The following CSMD3 variants were observed in gnomAD, a reference collection of about 807,000 sequenced individuals.
The protein encoded by CSMD3 is CUB and sushi domain-containing protein 3.
In CSMD3, 177 loss-of-function variants were observed where a neutral mutation model predicts 435.2. That is an observed-to-expected ratio of 0.41 (90% CI 0.36 to 0.46). CSMD3 has a LOEUF of 0.46. Among genes scored for constraint, CSMD3 ranks in the 20% least tolerant of loss-of-function variants. The pLI is 0.34. For missense variants in CSMD3, 4,265 were observed against 4,504.6 expected (o/e 0.95, Z 1.52); for synonymous variants, 1,656 against 1,520.5 (o/e 1.09, Z -2.07).
intron 7 of CSMD3, among the ~76,000 whole-genome samples, chr8:112,959,608 G>A: frequency 6.6e-6 from 1 of 151,750 alleles, no homozygotes; most frequent in East Asian, 1.9e-4. Context: ...TGTTTGATAT[G>A]ATACCTGGAT....
At chr8:113,160,367 T>C (rs1228047812) in intron 4 of CSMD3, among the ~76,000 whole-genome samples, 1 of 151,964 alleles carries the variant, frequency 6.6e-6, no homozygotes, top group Non-Finnish European at 1.5e-5. Context: ...AGAGTGGAAA[T>C]GATGGTAATA....
At chr8:113,198,845 G>A (rs995359682) in intron 3 of CSMD3, among the ~76,000 whole-genome samples, 7 of 150,588 alleles carry the variant, frequency 4.6e-5, no homozygotes, top group Admixed American at 2.0e-4. Flanking sequence ...GAAAATGTGC[G>A]GGATTATCAA....
At chr8:112,579,259 C>A (rs1043795360) in intron 23 of CSMD3, among the ~76,000 whole-genome samples, 7 of 151,998 alleles carry the variant, frequency 4.6e-5, no homozygotes, top group Non-Finnish European at 8.8e-5. Flanking sequence ...GTAATGGGCA[C>A]AGACACAACC....
chr8:113,088,187 A>G (rs1041344778), intron 5 of CSMD3, among the ~76,000 whole-genome samples: 14 of 150,258 alleles, frequency 9.3e-5, no homozygotes, highest in East Asian at 2.0e-4. Flanking sequence ...TTAGAATGGC[A>G]ATCATTAAAA....
intron 1 of CSMD3, among the ~76,000 whole-genome samples, chr8:113,336,458 T>G: frequency 6.6e-6 from 1 of 152,168 alleles, no homozygotes; most frequent in East Asian, 1.9e-4. Flanking sequence ...CTTAGTTTGA[T>G]ATCTTGTTGG....
At chr8:113,346,187 T>G (rs1315753664) in intron 1 of CSMD3, among the ~76,000 whole-genome samples, 2 of 152,068 alleles carry the variant, frequency 1.3e-5, no homozygotes, top group African/African-American at 4.8e-5. Flanking sequence ...TTTCTTACTT[T>G]CCACTCTTAG....
At chr8:113,150,821 G>A (rs1019294713) in intron 4 of CSMD3, among the ~76,000 whole-genome samples, 2 of 151,924 alleles carry the variant, frequency 1.3e-5, no homozygotes, top group African/African-American at 4.8e-5. Flanking sequence ...AAGTAAAGAA[G>A]GGGAATAGTA....
intron 1 of CSMD3, among the ~76,000 whole-genome samples, chr8:113,325,124 G>C (rs2093975058): frequency 1.3e-5 from 2 of 152,352 alleles, no homozygotes; most frequent in South Asian, 2.1e-4. Flanking sequence ...CCTTGTGTCA[G>C]ATGAGACTTT....
At chr8:112,365,895 T>C (rs1336487605) in intron 38 of CSMD3, among the ~76,000 whole-genome samples, 4 of 152,146 alleles carry the variant, frequency 2.6e-5, no homozygotes, top group Non-Finnish European at 5.9e-5. Flanking sequence ...CCTAGACATC[T>C]CAACTGATTC....
chr8:112,908,280 A>T (rs1408562992), intron 10 of CSMD3, among the ~76,000 whole-genome samples: 1 of 151,442 alleles, frequency 6.6e-6, no homozygotes, highest in Non-Finnish European at 1.5e-5. Flanking sequence ...GTATACATAC[A>T]TGTCTTTAAA....
At chr8:112,959,109 G>A (rs2084137531) in intron 7 of CSMD3, among the ~76,000 whole-genome samples, 2 of 151,924 alleles carry the variant, frequency 1.3e-5, no homozygotes, top group Admixed American at 6.6e-5. Flanking sequence ...TCATTGCTAT[G>A]CATATATAGT....
intron 67 of CSMD3, among the ~76,000 whole-genome samples, 184 bp from the exon 68 acceptor site, chr8:112,234,661 T>A (rs962399658): frequency 1.3e-5 from 2 of 152,240 alleles, no homozygotes; most frequent in Non-Finnish European, 1.5e-5. Flanking sequence ...TACATTGATT[T>A]ATCTGTCTTC....
rs187115915 is a variant in CSMD3 at position 112,709,962 on chromosome 8, T to C, written c.1973-19912A>G. Among the ~76,000 whole-genome samples, 7 of 152,214 alleles carry C rather than the reference T, an allele frequency of 4.6e-5. No individual in the cohort carries two copies. In the East Asian group the frequency reaches 1.4e-3, roughly 29 times the overall value. On this transcript the variant is annotated intron_variant, in intron 13 of 70. Transcript: ENST00000297405. ...TTGCAAGTATATGTAATTTTTAAAA[T>C]GCTAAATAAGCCCTTTAATAGTCTC...
chr8:112,993,545 T>G (rs889226821), intron 6 of CSMD3, among the ~76,000 whole-genome samples: 1 of 151,870 alleles, frequency 6.6e-6, no homozygotes, highest in Non-Finnish European at 1.5e-5. Context: ...GCCTATTATG[T>G]GCTATGCACT....
intron 6 of CSMD3, among the ~76,000 whole-genome samples, chr8:113,016,213 T>G (rs2086451816): frequency 6.6e-6 from 1 of 151,842 alleles, no homozygotes; most frequent in Non-Finnish European, 1.5e-5. Context: ...AGAGTGAGAA[T>G]GTATTTTACG....
intron 3 of CSMD3, among the ~76,000 whole-genome samples, chr8:113,249,703 T>C (rs2093316489): frequency 6.6e-6 from 1 of 152,088 alleles, no homozygotes; most frequent in Admixed American, 6.6e-5. Flanking sequence ...GTGAATTCTC[T>C]GAGCTCCCAA....
rs547941991 is a variant in CSMD3, at chr8:112,272,275, T to C, written c.9509-6685A>G. 7.9e-5 allele frequency among the ~76,000 whole-genome samples: 12 copies of C among 152,326 alleles called. No homozygotes were observed. The East Asian group carries it at 1.5e-3, about 20-fold the overall frequency. On this transcript the variant is annotated intron_variant, in intron 59 of 70. Coordinates refer to ENST00000297405, the MANE Select transcript of CSMD3 (RefSeq NM_198123.2). ...TTTCTAAAAATTGATATCAGGATGTTGGTTTGGAAAGTTCAGCTACTTCAA... is the reference window on the plus strand; with the variant it reads ...TTTCTAAAAATTGATATCAGGATGTCGGTTTGGAAAGTTCAGCTACTTCAA...
intron 32 of CSMD3, among the ~76,000 whole-genome samples, chr8:112,438,598 A>G (rs2130475538): frequency 6.6e-6 from 1 of 152,340 alleles, no homozygotes; most frequent in Non-Finnish European, 1.5e-5. Flanking sequence ...ATAGTAAACC[A>G]AGAGAAAAAA....
intron 19 of CSMD3, among the ~76,000 whole-genome samples, chr8:112,645,993 C>T (rs2074969444): frequency 1.3e-5 from 2 of 152,108 alleles, no homozygotes; most frequent in East Asian, 1.9e-4. Flanking sequence ...CTTGGAAAGG[C>T]CAACTCTTAG....
Sources: gnomAD v4.1 joint callset for allele counts (sites outside exome capture counted in the v4.1 genomes callset) on GRCh38, gnomAD v4.1.1 for gene constraint, MANE v1.5 for transcripts, NCBI Gene and HGNC (gene_info 2026-07-23, HGNC 2026-07-21) for gene names.